Variants in SMPD3 observed in about 807,000 individuals in gnomAD.
SMPD3 encodes the protein nSMase-2.
A neutral mutation model predicts 55.7 loss-of-function variants in SMPD3; 21 were observed. The ratio of observed to expected loss-of-function variants is 0.38; its 90% CI spans 0.27 to 0.54. SMPD3 has a LOEUF of 0.54. Among genes scored for constraint, SMPD3 ranks in the 20% least tolerant of loss-of-function variants. The pLI is 0.80. For missense variants in SMPD3, 842 were observed against 899.6 expected (o/e 0.94, Z 0.82); for synonymous variants, 457 against 404.3 (o/e 1.13, Z -1.56).
At chr16:68,392,619 T>C (rs1395600590) in intron 1 of SMPD3, among the ~76,000 whole-genome samples, 5 of 152,022 alleles carry the variant, frequency 3.3e-5, no homozygotes, top group Non-Finnish European at 7.4e-5. Flanking sequence ...CCTAGCACTT[T>C]GGGAGGCCAA....
intron 1 of SMPD3, among the ~76,000 whole-genome samples, chr16:68,397,018 G>A (rs1340647562): frequency 1.2e-4 from 18 of 152,174 alleles, no homozygotes; most frequent in Admixed American, 3.3e-4. Context: ...AGCAGCCTGG[G>A]GAGGGTAGGT....
chr16:68,416,316 T>C (rs1415663155), intron 1 of SMPD3, among the ~76,000 whole-genome samples: 1 of 152,218 alleles, frequency 6.6e-6, no homozygotes, highest in Non-Finnish European at 1.5e-5. Flanking sequence ...GGTCTCCCCA[T>C]TGTTCCCTGT....
intron 2 of SMPD3, chr16:68,382,067 A>G (rs1175106840): frequency 1.3e-5 from 2 of 152,286 alleles, no homozygotes; most frequent in African/African-American, 4.8e-5. Context: ...TTCTAGCACC[A>G]TGAAGCATCA....
chr16:68,430,699 C>T (rs2090472862), intron 1 of SMPD3, among the ~76,000 whole-genome samples: 2 of 152,202 alleles, frequency 1.3e-5, no homozygotes, highest in South Asian at 4.1e-4. Context: ...AATTTGGAAA[C>T]ACATCATGCA....
chr16:68,438,352 A>C (rs534111492), intron 1 of SMPD3, among the ~76,000 whole-genome samples: 1 of 152,190 alleles, frequency 6.6e-6, no homozygotes, highest in African/African-American at 2.4e-5. Context: ...AATTTATTTG[A>C]AAACCAAATA....
At chr16:68,377,348 G>A (rs918795314) in intron 2 of SMPD3, among the ~76,000 whole-genome samples, 1 of 152,166 alleles carries the variant, frequency 6.6e-6, no homozygotes, top group Non-Finnish European at 1.5e-5. Context: ...AACAAGTCCT[G>A]GGCAGGACCC....
rs1033278480 is a variant in SMPD3 at position 68,386,638 on chromosome 16, A to T, written c.-247T>A. The T allele has an allele frequency of 1.4e-5, 2 of 145,958 alleles. No homozygotes were observed. The highest frequency in any genetic ancestry group is 3.0e-5 in the Non-Finnish European group (2 of 67,438). The allele number at this position is 145,958 out of a possible 1,614,324, so 9.0% of individuals were successfully genotyped here. A position where few individuals can be genotyped will look rare whatever the true frequency, so the allele number is the denominator to read the frequency against. On this transcript the variant is annotated 5_prime_UTR_variant, in exon 2 of 9. Transcript: ENST00000219334. ...TGGGACCTTGTTGTCCTTCTCTCTG[A>T]AGAAGAGCTGTCACCGCAGACCTGA...
chr16:68,373,475 CCACT>C (rs1347450016), intron 2 of SMPD3, among the ~76,000 whole-genome samples: 2 of 152,228 alleles, frequency 1.3e-5, no homozygotes, highest in Admixed American at 6.5e-5. Context: ...CTTTTCCCAC[CCACT>C]GTCTTGCTGA....
intron 2 of SMPD3, among the ~76,000 whole-genome samples, chr16:68,373,618 C>T (rs920638257): frequency 1.3e-5 from 2 of 152,198 alleles, no homozygotes; most frequent in South Asian, 2.1e-4. Context: ...TCACTGGACT[C>T]TGCCTTTCCT....
At chr16:68,424,403 G>A (rs2090419445) in intron 1 of SMPD3, among the ~76,000 whole-genome samples, 1 of 151,990 alleles carries the variant, frequency 6.6e-6, no homozygotes, top group African/African-American at 2.4e-5. Context: ...CCTGGGCACT[G>A]CCTGCAGAGC....
At chr16:68,428,377 A>G (rs563503184) in intron 1 of SMPD3, among the ~76,000 whole-genome samples, 27 of 152,230 alleles carry the variant, frequency 1.8e-4, no homozygotes, top group Non-Finnish European at 3.5e-4. Context: ...TCAAACAGCC[A>G]CTCCACCCTG....
Position 68,361,581 on chromosome 16 carries a change from C to T in SMPD3, c.1866+22G>A, listed in dbSNP as rs1378419447. The T allele has an allele frequency of 2.1e-5, 34 of 1,603,934 alleles. No homozygotes were observed. The East Asian group carries it at 7.1e-4, about 34-fold the overall frequency. ...CTGCTCTCTCTTTGCATGGCCCTGG[C>T]TGCTGGGCCCTCCTGACTCACGGCC... is the stretch of plus-strand genomic sequence containing the variant. On this transcript the variant is annotated intron_variant, in intron 8 of 8. Coordinates refer to ENST00000219334, the MANE Select transcript of SMPD3 (RefSeq NM_018667.4).
At chr16:68,381,651 A>G (rs907538669) in intron 2 of SMPD3, among the ~76,000 whole-genome samples, 5 of 152,192 alleles carry the variant, frequency 3.3e-5, no homozygotes, top group Admixed American at 2.0e-4. Context: ...CCTCTGCCAC[A>G]TTGACCTGCA....
chr16:68,365,218 G>C, intron 3 of SMPD3, 126 bp from the exon 4 acceptor site: 3 of 926,996 alleles, frequency 3.2e-6, no homozygotes, highest in Non-Finnish European at 5.0e-6. Context: ...GCTGGATTCT[G>C]GGGTCCGAGT....
chr16:68,380,682 A>G, intron 2 of SMPD3, among the ~76,000 whole-genome samples: 1 of 152,240 alleles, frequency 6.6e-6, no homozygotes, highest in South Asian at 2.1e-4. Context: ...TTTCTGTCCC[A>G]GCCAAGTCCC....
chr16:68,420,308 A>G (rs1385030806), intron 1 of SMPD3, among the ~76,000 whole-genome samples: 4 of 152,180 alleles, frequency 2.6e-5, no homozygotes, highest in Non-Finnish European at 5.9e-5. Context: ...GAACTTCGCA[A>G]TCCTATAAGG....
intron 1 of SMPD3, among the ~76,000 whole-genome samples, chr16:68,396,584 G>A (rs2090159414): frequency 6.6e-6 from 1 of 152,104 alleles, no homozygotes; most frequent in South Asian, 2.1e-4. Flanking sequence ...CTTTGTACTG[G>A]CAGCGTAGAG....
chr16:68,365,087 C>T lies in SMPD3; in HGVS notation c.1329G>A (p.Gln443=). 6.2e-7 allele frequency: 1 copy of T among 1,614,016 alleles called. No individual in the cohort carries two copies. Among genetic ancestry groups the T allele is most frequent in the Non-Finnish European group, 8.5e-7 (1 of 1,179,988 alleles). The change falls in exon 4 of 9, where the codon CAG becomes CAA. Residue 443 remains glutamine, a synonymous_variant. Transcript: ENST00000219334. ...ASKGALFLKV[Q]VGSTPQDQRI... ...TTTGGTCCTGAGGTGTGCTTCCCAC[C>T]TGCACCTGGGGGAGGAGGGGGTCAG...
chr16:68,393,504 G>A (rs1368518586), intron 1 of SMPD3, among the ~76,000 whole-genome samples: 1 of 152,222 alleles, frequency 6.6e-6, no homozygotes, highest in African/African-American at 2.4e-5. Flanking sequence ...CACTGGCAGT[G>A]GGGGTGGGTG....
Sources: allele counts gnomAD v4.1 joint callset (sites outside exome capture counted in the v4.1 genomes callset), GRCh38; gene constraint gnomAD v4.1.1; transcripts MANE v1.5; gene names NCBI Gene and HGNC (gene_info 2026-07-23, HGNC 2026-07-21).